Variants in SCUBE3 observed in about 807,000 individuals in gnomAD.
The protein encoded by SCUBE3 is signal peptide, CUB domain and EGF like domain containing 3.
In SCUBE3, 33 loss-of-function variants were observed where a neutral mutation model predicts 116.8. The observed-to-expected ratio is 0.28, with a 90% CI of 0.21 to 0.38. The LOEUF (loss-of-function observed/expected upper bound fraction) is 0.38. SCUBE3 is among the 10% of genes least tolerant of loss of function. The probability of loss-of-function intolerance (pLI) is 1.00; values close to 1 mark genes in which losing one functional copy is unlikely to be tolerated. For missense variants in SCUBE3, 1,007 were observed against 1,324.8 expected, an observed-to-expected ratio of 0.76 and a Z score of 3.72; for synonymous variants, 418 against 496.9, an observed-to-expected ratio of 0.84 and a Z score of 2.11.
chr6:35,233,433 C>G lies in SCUBE3; in HGVS notation c.712+132C>G, dbSNP rs953766377. ...AGAGGGACTGGTGAGGGAGTTAAGA[C>G]CCAGAAAATGCCAGGTCTAGTAAGG... On this transcript the variant is annotated intron_variant, in intron 6 of 21. Transcript: ENST00000274938. This position sits in a 1 kb window ranked among gnomAD's most constrained non-coding sequence, Gnocchi z 5.7. 5 of 644,802 alleles carry G rather than the reference C, an allele frequency of 7.8e-6. No individual in the cohort carries two copies. The highest frequency in any genetic ancestry group is 7.3e-5 in the African/African-American group (4 of 54,850). The allele number at this position is 644,802 out of a possible 1,614,324, so 39.9% of individuals were successfully genotyped here. A position where few individuals can be genotyped will look rare whatever the true frequency, so the allele number is the denominator to read the frequency against.
intron 6 of SCUBE3, 125 bp from the exon 7 acceptor site, chr6:35,237,777 C>T (rs1783840470): frequency 3.2e-6 from 2 of 633,992 alleles, no homozygotes; most frequent in South Asian, 2.1e-5. Flanking sequence ...CTTAATGCTC[C>T]TTCTAAAGCA....
intron 1 of SCUBE3, among the ~76,000 whole-genome samples, chr6:35,216,877 G>C (rs1258881769): frequency 6.6e-6 from 1 of 152,106 alleles, no homozygotes; most frequent in Non-Finnish European, 1.5e-5. Context: ...AGGGGGGAAA[G>C]GGGGAGACAA....
rs1783735801 is a variant in SCUBE3, at chr6:35,235,568, A to G, written c.712+2267A>G. ...GGGCTAACCCGCTGGGGCTCCCACT[A>G]ACTGCATGCCCACTGGGCCCAGCCT... is the stretch of plus-strand genomic sequence containing the variant. On this transcript the variant is annotated intron_variant, in intron 6 of 21. Coordinates refer to ENST00000274938, the MANE Select transcript of SCUBE3 (RefSeq NM_152753.4). This position sits in a 1 kb window ranked among gnomAD's most constrained non-coding sequence, Gnocchi z 4.5. 1.2e-6 allele frequency: 1 copy of G among 821,378 alleles called. No homozygotes were observed. The highest frequency in any genetic ancestry group is 6.3e-5 in the East Asian group (1 of 15,878). The allele number at this position is 821,378 out of a possible 1,614,324, so 50.9% of individuals were successfully genotyped here.
intron 1 of SCUBE3, chr6:35,221,926 C>T (rs1414500887): frequency 1.3e-5 from 2 of 152,242 alleles, no homozygotes; most frequent in Non-Finnish European, 2.9e-5. Context: ...AGCAGAGGCA[C>T]CTGAACTGGG....
chr6:35,229,458 G>C (rs984086949), intron 3 of SCUBE3, among the ~76,000 whole-genome samples: 2 of 152,068 alleles, frequency 1.3e-5, no homozygotes, highest in Non-Finnish European at 2.9e-5. Context: ...CTGCTGTGCG[G>C]ATCACCACAA....
At chr6:35,229,214 GC>G (rs1196732827) in intron 3 of SCUBE3, among the ~76,000 whole-genome samples, 1 of 152,054 alleles carries the variant, frequency 6.6e-6, no homozygotes, top group African/African-American at 2.4e-5. Context: ...TTCAAGACAG[GC>G]CTGGGCAACA....
In SCUBE3 at chr6:35,231,677, G is replaced by A. The variant is rs2150297857; in HGVS notation, c.335-48G>A. 1 of 1,557,958 alleles carries A rather than the reference G, an allele frequency of 6.4e-7. No individual in the cohort carries two copies. The highest frequency in any genetic ancestry group is 2.3e-5 in the East Asian group (1 of 43,698). On this transcript the variant is annotated intron_variant, in intron 3 of 21. Coordinates refer to ENST00000274938, the MANE Select transcript of SCUBE3 (RefSeq NM_152753.4). This position sits in a 1 kb window ranked among gnomAD's most constrained non-coding sequence, Gnocchi z 4.2. ...GTGCTGAAGTCTTGGGATATACCCT[G>A]GACCCTGCCTGTACCCCATGACCCC...
chr6:35,248,207 A>G (rs1784429629), intron 21 of SCUBE3, among the ~76,000 whole-genome samples: 1 of 152,228 alleles, frequency 6.6e-6, no homozygotes, highest in Non-Finnish European at 1.5e-5. Context: ...AGGCTACTAC[A>G]GTACTCCAAG....
In SCUBE3 at chr6:35,245,177, C is replaced by T; in HGVS notation, c.2402-51C>T. ...TCTTCAATTCCCCCAGCACACTTCC[C>T]CACTGACTTCCCTTCTCTGTCTTGT... On this transcript the variant is annotated intron_variant, in intron 18 of 21. Coordinates refer to ENST00000274938, the MANE Select transcript of SCUBE3 (RefSeq NM_152753.4). This position sits in a 1 kb window ranked among gnomAD's most constrained non-coding sequence, Gnocchi z 4.2. The T allele has an allele frequency of 6.5e-7, 1 of 1,542,908 alleles. No homozygotes were observed. The highest frequency in any genetic ancestry group is 9.0e-7 in the Non-Finnish European group (1 of 1,115,448).
chr6:35,220,875 G>A (rs1036982882), intron 1 of SCUBE3: 7 of 152,234 alleles, frequency 4.6e-5, no homozygotes, highest in African/African-American at 1.4e-4. Flanking sequence ...CCTTGCATAA[G>A]CTTTTTCTAG....
At chr6:35,242,441 G>A in intron 13 of SCUBE3, 121 bp downstream of exon 13, 2 of 911,592 alleles carry the variant, frequency 2.2e-6, no homozygotes, top group Non-Finnish European at 3.5e-6. Context: ...AGAGGAAAAA[G>A]CAGCTGTAGG....
At position 35,228,810 on chromosome 6, in the gene SCUBE3, T is replaced by C; in HGVS notation, c.334+71T>C. 2 of 1,513,376 alleles carry C rather than the reference T, an allele frequency of 1.3e-6. No individual in the cohort carries two copies. The highest frequency in any genetic ancestry group is 1.7e-5 in the Admixed American group (1 of 59,448). 93.7% of individuals were successfully genotyped at this position (1,513,376 alleles called of 1,614,324 possible). On this transcript the variant is annotated intron_variant, in intron 3 of 21. Coordinates refer to ENST00000274938, the MANE Select transcript of SCUBE3 (RefSeq NM_152753.4). The surrounding 1 kb of genome is among the most constrained non-coding windows in gnomAD (Gnocchi z 4.9). Reference sequence around the variant, plus strand: ...AAGAGATCTTTTCAGCATTTCCTATTTCCCAGGGAAGGAGGAGAGAGTGAT... The same window carrying C: ...AAGAGATCTTTTCAGCATTTCCTATCTCCCAGGGAAGGAGGAGAGAGTGAT...
Position 35,248,629 on chromosome 6 carries a change from A to C in SCUBE3, c.2906A>C (p.His969Pro). 1 of 1,614,078 alleles carries C rather than the reference A, an allele frequency of 6.2e-7. No individual in the cohort carries two copies. Residue 969 changes from histidine to proline, a missense_variant, in exon 22 of 22, where the codon CAC becomes CCC. Coordinates refer to ENST00000274938, the MANE Select transcript of SCUBE3 (RefSeq NM_152753.4). ...AACTACTTCAAGTACACAGAGAAAC[A>C]CAAGGAGATGCTGCCAAAATCCTTC... ...PQNYFKYTEK[H>P]KEMLPKSFIK...
In SCUBE3 at chr6:35,244,484, C is replaced by T. The variant is rs988983363; in HGVS notation, c.2240-166C>T. The stretch of plus-strand genomic sequence containing the variant: ...AACCACTCTGTAAACTCTGTTTTTC[C>T]GTGGGCTTAAATTCTGGCATGACTG... On this transcript the variant is annotated intron_variant, in intron 17 of 21. Transcript: ENST00000274938. This position sits in a 1 kb window ranked among gnomAD's most constrained non-coding sequence, Gnocchi z 4.3. Among the ~76,000 whole-genome samples, 6 of 152,138 alleles carry T rather than the reference C, an allele frequency of 3.9e-5. No individual in the cohort carries two copies. In the East Asian group the frequency reaches 9.6e-4, roughly 24 times the overall value.
In SCUBE3 at chr6:35,246,582, G is replaced by C. The variant is rs1361865661; in HGVS notation, c.2832+297G>C. Among the ~76,000 whole-genome samples the C allele has an allele frequency of 3.3e-5, 5 of 152,330 alleles. No individual in the cohort carries two copies. The East Asian group carries it at 9.6e-4, about 29-fold the overall frequency. On this transcript the variant is annotated intron_variant, in intron 21 of 21. Transcript: ENST00000274938. ...GAAAGGGAAAGTGAGGAGAAGAAAT[G>C]TCCCTACCTCTTCCAAGAGACATAG...
chr6:35,252,853 G>A lies in SCUBE3; in HGVS notation c.*4148G>A, dbSNP rs931666856. ...CAGAATAATCATCGCCATGTGGGAG[G>A]CTTTTTGTTAAATGCAGAAGAAATT... On this transcript the variant is annotated 3_prime_UTR_variant, in exon 22 of 22. Coordinates refer to ENST00000274938, the MANE Select transcript of SCUBE3 (RefSeq NM_152753.4). 6.6e-6 allele frequency: 1 copy of A among 152,154 alleles called. No homozygotes were observed. The highest frequency in any genetic ancestry group is 1.5e-5 in the Non-Finnish European group (1 of 68,034). 9.4% of individuals were successfully genotyped at this position (152,154 alleles called of 1,614,324 possible).
chr6:35,240,353 C>A lies in SCUBE3; in HGVS notation c.953-21C>A. The A allele has an allele frequency of 6.9e-7, 1 of 1,454,098 alleles. No individual in the cohort carries two copies. Among genetic ancestry groups the A allele is most frequent in the Non-Finnish European group, 9.5e-7 (1 of 1,047,590 alleles). The allele number at this position is 1,454,098 out of a possible 1,614,324, so 90.1% of individuals were successfully genotyped here. A position where few individuals can be genotyped will look rare whatever the true frequency, so the allele number is the denominator to read the frequency against. On this transcript the variant is annotated intron_variant, in intron 8 of 21. Transcript: ENST00000274938. The surrounding 1 kb of genome is among the most constrained non-coding windows in gnomAD (Gnocchi z 4.6). Reference sequence around the variant, plus strand: ...AAGTGCTCCAAGACAGATTCAGTGGCTTGAATCTTTGCTCTTCCAGATATA... The same window carrying A: ...AAGTGCTCCAAGACAGATTCAGTGGATTGAATCTTTGCTCTTCCAGATATA...
chr6:35,223,587 C>T (rs1384550107), intron 1 of SCUBE3: 1 of 152,214 alleles, frequency 6.6e-6, no homozygotes, highest in Non-Finnish European at 1.5e-5. Flanking sequence ...TGTACATTCA[C>T]ATTTTTTTCA....
In SCUBE3 at chr6:35,214,199, T is replaced by G. The variant is rs1052256313; in HGVS notation, c.-220T>G. 6.6e-6 allele frequency among the ~76,000 whole-genome samples: 1 copy of G among 152,134 alleles called. No homozygotes were observed. The highest frequency in any genetic ancestry group is 2.0e-4 in the East Asian group (1 of 5,118). ...TGGCGCCCCTCGCCTCGTCGCACTCTCCGCCTCGCTCTCCCCGACGTCCGG... is the reference window on the plus strand; with the variant it reads ...TGGCGCCCCTCGCCTCGTCGCACTCGCCGCCTCGCTCTCCCCGACGTCCGG... On this transcript the variant is annotated 5_prime_UTR_variant, in exon 1 of 22. Coordinates refer to ENST00000274938, the MANE Select transcript of SCUBE3 (RefSeq NM_152753.4). This position sits in a 1 kb window ranked among gnomAD's most constrained non-coding sequence, Gnocchi z 6.3.
Sources: allele counts gnomAD v4.1 joint callset (sites outside exome capture counted in the v4.1 genomes callset), GRCh38; gene constraint gnomAD v4.1.1; non-coding constraint Gnocchi (gnomAD v3.1); transcripts MANE v1.5; gene names NCBI Gene and HGNC (gene_info 2026-07-23, HGNC 2026-07-21).